GTF2E2: variants seen among roughly 807,000 people sequenced by gnomAD.
GTF2E2 encodes the protein transcription initiation factor IIE subunit beta.
A neutral mutation model predicts 40.5 loss-of-function variants in GTF2E2; 21 were observed. The observed-to-expected ratio is 0.52, with a 90% confidence interval of 0.37 to 0.75. The LOEUF is 0.75. Among genes scored for constraint, GTF2E2 ranks in the 30% least tolerant of loss-of-function variants. GTF2E2 has a pLI of 0.00. For synonymous variants in GTF2E2, 117 were observed against 121.6 expected (o/e 0.96, Z 0.25); for missense variants, 298 against 338.4 (o/e 0.88, Z 0.94).
At chr8:30,628,711 C>G (rs1250388757) in intron 3 of GTF2E2, among the ~76,000 whole-genome samples, 1 of 152,174 alleles carries the variant, frequency 6.6e-6, no homozygotes, top group East Asian at 1.9e-4. Context: ...GCAGGCAGAT[C>G]ACGAAGTTAG....
chr8:30,626,355 C>G (rs947825111), intron 3 of GTF2E2, among the ~76,000 whole-genome samples: 13 of 152,216 alleles, frequency 8.5e-5, no homozygotes, highest in Admixed American at 6.5e-4. Flanking sequence ...CGTGGTGGCA[C>G]ACGCCTGTAG....
chr8:30,584,031 C>G (rs1828598701), intron 6 of GTF2E2, among the ~76,000 whole-genome samples: 1 of 151,996 alleles, frequency 6.6e-6, no homozygotes, highest in Non-Finnish European at 1.5e-5. Context: ...TGGTCTCGAT[C>G]TCCTGATCTT....
At chr8:30,594,336 C>T (rs1453275848) in intron 6 of GTF2E2, among the ~76,000 whole-genome samples, 1 of 151,880 alleles carries the variant, frequency 6.6e-6, no homozygotes, top group Non-Finnish European at 1.5e-5. Context: ...CAGCTCACTG[C>T]AACCTCCACC....
At chr8:30,602,476 C>T (rs62505283) in intron 6 of GTF2E2, among the ~76,000 whole-genome samples, 36,960 of 151,942 alleles carry the variant, frequency 0.24, 4,947 homozygotes, top group South Asian at 0.39. Flanking sequence ...GCAAAGATGA[C>T]GTTACAAATC....
At chr8:30,581,686 G>A (rs1482254000) in intron 6 of GTF2E2, among the ~76,000 whole-genome samples, 2 of 152,162 alleles carry the variant, frequency 1.3e-5, no homozygotes, top group Non-Finnish European at 2.9e-5. Context: ...CACACCCACT[G>A]AACGTTCATC....
At chr8:30,655,889 C>T (rs924612025) in intron 1 of GTF2E2, among the ~76,000 whole-genome samples, 1 of 152,038 alleles carries the variant, frequency 6.6e-6, no homozygotes, top group Non-Finnish European at 1.5e-5. Flanking sequence ...CGGCTCAATG[C>T]AACCTCCGCC....
intron 6 of GTF2E2, among the ~76,000 whole-genome samples, chr8:30,581,343 G>A (rs555166361): frequency 2.5e-4 from 38 of 152,164 alleles, no homozygotes; most frequent in Non-Finnish European, 4.4e-4. Context: ...AACTTCCCAC[G>A]GTCCGTTTAC....
At chr8:30,633,321 A>G (rs1218696735) in intron 3 of GTF2E2, among the ~76,000 whole-genome samples, 1 of 152,204 alleles carries the variant, frequency 6.6e-6, no homozygotes. Context: ...AGAAAAAATA[A>G]TTAAAATTCC....
intron 6 of GTF2E2, among the ~76,000 whole-genome samples, chr8:30,604,132 A>C (rs1174590784): frequency 6.6e-6 from 1 of 152,136 alleles, no homozygotes. Flanking sequence ...AGGAAGAAAA[A>C]CTACTTTTCT....
intron 3 of GTF2E2, among the ~76,000 whole-genome samples, chr8:30,621,041 G>A (rs765194978): frequency 1.4e-4 from 22 of 151,856 alleles, no homozygotes; most frequent in Non-Finnish European, 2.2e-4. Context: ...AATAATGGAG[G>A]TTACTTGTCT....
intron 1 of GTF2E2, among the ~76,000 whole-genome samples, chr8:30,656,223 G>T (rs553066463): frequency 3.3e-5 from 5 of 152,286 alleles, no homozygotes; most frequent in African/African-American, 1.2e-4. Flanking sequence ...CAGCCCAATT[G>T]TAAGAATGAG....
chr8:30,601,642 A>G (rs1402865818), intron 6 of GTF2E2, among the ~76,000 whole-genome samples: 3 of 152,196 alleles, frequency 2.0e-5, no homozygotes, highest in Non-Finnish European at 4.4e-5. Flanking sequence ...CAGATCAGTG[A>G]AAAATACCAG....
rs2128731140 is a variant in GTF2E2, at chr8:30,653,498, G to A, written c.101C>T (p.Ser34Leu). ...CTTTGTTTTCTTCTTCTTTGACGAT[G>A]ATGATGATGACTCAGAAGATGCTGA... is the stretch of plus-strand genomic sequence containing the variant. ...KRSASSESSS[S>L]SSKKKKTKVE... Residue 34 changes from serine (S) to leucine (L), a missense_variant, in exon 2 of 8, where the codon TCA (serine) becomes TTA (leucine). Ser to Leu is a moderately radical substitution (Grantham distance 145). Transcript: ENST00000355904. 1.2e-5 allele frequency: 19 copies of A among 1,613,534 alleles called. No homozygotes were observed. Among genetic ancestry groups the A allele is most frequent in the South Asian group, 2.2e-5 (2 of 91,054 alleles).
intron 6 of GTF2E2, among the ~76,000 whole-genome samples, chr8:30,594,695 T>TA (rs540125870): frequency 1.1e-4 from 16 of 151,648 alleles, no homozygotes; most frequent in Non-Finnish European, 1.5e-4. Context: ...CTGTCTCTAC[T>TA]AAAAAATACT....
chr8:30,609,064 G>A (rs1440749020), intron 5 of GTF2E2, among the ~76,000 whole-genome samples: 1 of 152,002 alleles, frequency 6.6e-6, no homozygotes, highest in Middle Eastern at 3.2e-3. Flanking sequence ...CAGGAGTTTT[G>A]AGACCAGCCT....
At chr8:30,644,750 AT>A (rs5890531) in intron 2 of GTF2E2, among the ~76,000 whole-genome samples, 74,979 of 141,292 alleles carry the variant, frequency 0.53, 19,050 homozygotes, top group East Asian at 0.66. Flanking sequence ...CGGTATATGA[AT>A]TTTTTTTTTT....
rs1403235437 is a variant in GTF2E2, at chr8:30,632,721, A to C, written c.258+2311T>G. 2.0e-5 allele frequency among the ~76,000 whole-genome samples: 3 copies of C among 152,330 alleles called. No homozygotes were observed. In the East Asian group the frequency reaches 5.8e-4, roughly 29 times the overall value. Reference sequence around the variant, plus strand: ...TAGAAGCTAAGAAAATAAATGGTTAAGCACTAGGTAACAAATCCTTTGGCA... The same window carrying C: ...TAGAAGCTAAGAAAATAAATGGTTACGCACTAGGTAACAAATCCTTTGGCA... On this transcript the variant is annotated intron_variant, in intron 3 of 7. Transcript: ENST00000355904.
At chr8:30,641,554 C>T (rs1438480622) in intron 2 of GTF2E2, among the ~76,000 whole-genome samples, 4 of 152,050 alleles carry the variant, frequency 2.6e-5, no homozygotes, top group African/African-American at 7.2e-5. Flanking sequence ...GAGACAGGGC[C>T]TCCCCACATT....
intron 1 of GTF2E2, chr8:30,657,425 T>C (rs989361427): frequency 6.6e-6 from 1 of 152,220 alleles, no homozygotes; most frequent in Non-Finnish European, 1.5e-5. Flanking sequence ...GCCTCGTTAG[T>C]GTCCCTGGCA....
Sources: allele counts gnomAD v4.1 joint callset (sites outside exome capture counted in the v4.1 genomes callset), GRCh38; gene constraint gnomAD v4.1.1; transcripts MANE v1.5; gene names NCBI Gene and HGNC (gene_info 2026-07-23, HGNC 2026-07-21).